Variants in DCUN1D4 observed in about 807,000 individuals in gnomAD.
DCUN1D4 encodes the protein defective in cullin neddylation 1 domain containing 4, also known as DCN1-like protein 4.
Under a neutral mutation model 47.9 loss-of-function variants are expected in DCUN1D4, and 22 were observed. The ratio of observed to expected loss-of-function variants is 0.46; its 90% CI spans 0.33 to 0.66. The LOEUF (loss-of-function observed/expected upper bound fraction) is 0.66, where lower values mean the gene tolerates loss of function less well. Ranked by LOEUF, DCUN1D4 falls within the 30% of genes least tolerant of loss-of-function variation. The pLI, the probability that DCUN1D4 is intolerant of heterozygous loss-of-function variation, is 0.02. For synonymous variants in DCUN1D4, 121 were observed against 112.2 expected, an observed-to-expected ratio of 1.08 and a Z score of -0.50; for missense variants, 301 against 340.8, an observed-to-expected ratio of 0.88 and a Z score of 0.92.
intron 7 of DCUN1D4, among the ~76,000 whole-genome samples, chr4:51,897,198 A>G (rs973626990): frequency 1.3e-5 from 2 of 152,180 alleles, no homozygotes; most frequent in Non-Finnish European, 2.9e-5. Context: ...TATTTTCCAC[A>G]TTAGGAAGAA....
At chr4:51,903,862 C>A (rs1285807376) in intron 8 of DCUN1D4, among the ~76,000 whole-genome samples, 4 of 152,112 alleles carry the variant, frequency 2.6e-5, no homozygotes, top group Non-Finnish European at 4.4e-5. Flanking sequence ...GTTTCTCTCC[C>A]CATCATGATA....
At chr4:51,893,789 A>G (rs1023290000) in intron 7 of DCUN1D4, among the ~76,000 whole-genome samples, 1 of 152,238 alleles carries the variant, frequency 6.6e-6, no homozygotes, top group Admixed American at 6.5e-5. Context: ...AGGCATGGGC[A>G]TATCAGGATT....
At chr4:51,857,771 C>T (rs977147927) in intron 1 of DCUN1D4, among the ~76,000 whole-genome samples, 1 of 152,192 alleles carries the variant, frequency 6.6e-6, no homozygotes, top group African/African-American at 2.4e-5. Context: ...TGTTCAGTCT[C>T]CTCTTACCAT....
At chr4:51,852,457 T>C (rs867728899) in intron 1 of DCUN1D4, among the ~76,000 whole-genome samples, 1 of 152,206 alleles carries the variant, frequency 6.6e-6, no homozygotes, top group Non-Finnish European at 1.5e-5. Context: ...TGTCTTGTCC[T>C]ACATATGCAA....
In DCUN1D4 at chr4:51,843,177, C is replaced by T. The variant is rs1721860178; in HGVS notation, c.-66C>T. ...CAGCTTCGAGCCGAGGTGCAGTGAG[C>T]TGGTGGGGGGACCGCGAGGCGAGCG... On this transcript the variant is annotated 5_prime_UTR_variant, in exon 1 of 11. Transcript: ENST00000334635. 2.0e-6 allele frequency: 3 copies of T among 1,532,668 alleles called. No individual in the cohort carries two copies. The South Asian group carries it at 3.6e-5, about 19-fold the overall frequency. 94.9% of individuals were successfully genotyped at this position (1,532,668 alleles called of 1,614,324 possible).
At chr4:51,889,102 C>CT (rs1491237588) in intron 6 of DCUN1D4, among the ~76,000 whole-genome samples, 1 of 149,488 alleles carries the variant, frequency 6.7e-6, no homozygotes, top group Non-Finnish European at 1.5e-5. Flanking sequence ...GAGTGAGACT[C>CT]TGTCTCGAAA....
At chr4:51,859,638 CAAAAAAAA>C (rs35981680) in intron 1 of DCUN1D4, among the ~76,000 whole-genome samples, 1 of 39,494 alleles carries the variant, frequency 2.5e-5, no homozygotes, top group Non-Finnish European at 4.1e-5. Context: ...TTAAAACAAG[CAAAAAAAA>C]AAAAAAAAAA....
intron 1 of DCUN1D4, among the ~76,000 whole-genome samples, chr4:51,844,034 G>GT (rs1386365639): frequency 6.7e-6 from 1 of 150,296 alleles, no homozygotes. Flanking sequence ...TGGGGCAGGT[G>GT]TGGAAGGGTA....
intron 4 of DCUN1D4, chr4:51,875,152 A>G (rs1727477402): frequency 6.6e-6 from 1 of 152,210 alleles, no homozygotes; most frequent in East Asian, 1.9e-4. Context: ...GCTGTGACTC[A>G]GAGGAATAAG....
At chr4:51,842,229 C>T (rs938874365), upstream of DCUN1D4, among the ~76,000 whole-genome samples, 1 of 152,100 alleles carries the variant, frequency 6.6e-6, no homozygotes, top group East Asian at 1.9e-4. Context: ...TAGATGCCGC[C>T]GGGGGTCTTT....
intron 5 of DCUN1D4, among the ~76,000 whole-genome samples, chr4:51,882,487 G>A (rs1023361038): frequency 6.6e-6 from 1 of 152,168 alleles, no homozygotes; most frequent in African/African-American, 2.4e-5. Flanking sequence ...AGTTGCACAG[G>A]CCGGGCACAG....
intron 9 of DCUN1D4, 136 bp downstream of exon 9, chr4:51,911,310 T>C (rs1240257082): frequency 1.2e-5 from 9 of 747,140 alleles, no homozygotes; most frequent in Non-Finnish European, 2.0e-5. Flanking sequence ...ATAATTGCTG[T>C]CAGTCAGCAG....
chr4:51,868,311 C>T (rs1400121046), intron 3 of DCUN1D4, among the ~76,000 whole-genome samples: 6 of 152,230 alleles, frequency 3.9e-5, no homozygotes, highest in East Asian at 1.9e-4. Flanking sequence ...TTCCAAGCTC[C>T]GTGGAGTGTG....
At chr4:51,836,038 G>T in the DCUN1D4 span, among the ~76,000 whole-genome samples, 4 of 152,130 alleles carry the variant, frequency 2.6e-5, no homozygotes, top group Admixed American at 2.0e-4. Context: ...CCCATCATTT[G>T]AGTGCAGGCT....
intron 6 of DCUN1D4, among the ~76,000 whole-genome samples, chr4:51,889,619 A>G (rs1031007072): frequency 2.6e-5 from 4 of 151,966 alleles, no homozygotes; most frequent in Admixed American, 1.3e-4. Flanking sequence ...ACAAGTGTTT[A>G]TGTAGAATTT....
At chr4:51,872,864 G>T (rs568217282) in intron 3 of DCUN1D4, among the ~76,000 whole-genome samples, 5 of 152,220 alleles carry the variant, frequency 3.3e-5, no homozygotes, top group Non-Finnish European at 5.9e-5. Context: ...GCTGAAGGCC[G>T]CCATGAGCGC....
Position 51,874,611 on chromosome 4 carries a change from T to A in DCUN1D4, c.251+226T>A, listed in dbSNP as rs1175966023. ...AATTCTTAGAAGTTAAAGTTTTATCTTAATCCATTGATCGCCCAAAACTGG... is the reference window on the plus strand; with the variant it reads ...AATTCTTAGAAGTTAAAGTTTTATCATAATCCATTGATCGCCCAAAACTGG... On this transcript the variant is annotated intron_variant, in intron 4 of 10. Coordinates refer to ENST00000334635, the MANE Select transcript of DCUN1D4 (RefSeq NM_001040402.3). The A allele has an allele frequency of 1.0e-4, 41 of 398,342 alleles. No homozygotes were observed. In the East Asian group the frequency reaches 1.1e-3, roughly 11 times the overall value. The allele number at this position is 398,342 out of a possible 1,614,324, so 24.7% of individuals were successfully genotyped here. A position where few individuals can be genotyped will look rare whatever the true frequency, so the allele number is the denominator to read the frequency against.
At chr4:51,871,099 A>G (rs1369500376) in intron 3 of DCUN1D4, among the ~76,000 whole-genome samples, 1 of 150,558 alleles carries the variant, frequency 6.6e-6, no homozygotes, top group African/African-American at 2.5e-5. Flanking sequence ...CTTAACTGTC[A>G]CTTGCTTACA....
intron 1 of DCUN1D4, chr4:51,860,658 GAA>G (rs1195947664): frequency 1.3e-5 from 6 of 454,940 alleles, no homozygotes; most frequent in Non-Finnish European, 2.6e-5. Flanking sequence ...GCGAGAGAGA[GAA>G]AGGGTGAGAG....
Sources: allele counts gnomAD v4.1 joint callset (sites outside exome capture counted in the v4.1 genomes callset), GRCh38; gene constraint gnomAD v4.1.1; transcripts MANE v1.5; gene names NCBI Gene and HGNC (gene_info 2026-07-23, HGNC 2026-07-21).